ARSB: variants seen among roughly 807,000 people sequenced by gnomAD.
The protein encoded by ARSB is N-acetylgalactosamine-4-sulfatase.
ARSB carries 41 observed loss-of-function variants against 50.9 expected under a neutral mutation model. The ratio of observed to expected loss-of-function variants is 0.81; its 90% CI spans 0.63 to 1.04. The LOEUF is 1.04. Among genes scored for constraint, ARSB ranks in the 50% least tolerant of loss-of-function variants. ARSB has a pLI of 0.00. For synonymous variants in ARSB, 269 were observed against 284.8 expected (o/e 0.94, Z 0.56); for missense variants, 672 against 693.3 (o/e 0.97, Z 0.35).
At chr5:78,860,325 T>C (rs1746372150) in intron 5 of ARSB, among the ~76,000 whole-genome samples, 1 of 152,192 alleles carries the variant, frequency 6.6e-6, no homozygotes, top group South Asian at 2.1e-4. Flanking sequence ...GGTGCATATA[T>C]ATTTAGGATA....
chr5:78,874,930 G>A (rs1440559694), intron 5 of ARSB, among the ~76,000 whole-genome samples: 1 of 151,878 alleles, frequency 6.6e-6, no homozygotes, highest in African/African-American at 2.4e-5. Flanking sequence ...GCAACATAGT[G>A]AGACCCTGCC....
intron 4 of ARSB, among the ~76,000 whole-genome samples, chr5:78,951,935 C>CT (rs1418817574): frequency 6.6e-6 from 1 of 152,162 alleles, no homozygotes; most frequent in Non-Finnish European, 1.5e-5. Context: ...AAACCACTAA[C>CT]TCTACTTCCA....
At chr5:78,964,836 G>A (rs984578931) in intron 2 of ARSB, among the ~76,000 whole-genome samples, 7 of 150,084 alleles carry the variant, frequency 4.7e-5, no homozygotes, top group Non-Finnish European at 8.8e-5. Flanking sequence ...GAATATAGGC[G>A]CTATCATGTA....
chr5:78,871,946 C>T (rs574446195), intron 5 of ARSB, among the ~76,000 whole-genome samples: 1 of 151,302 alleles, frequency 6.6e-6, no homozygotes, highest in African/African-American at 2.4e-5. Flanking sequence ...CCAGAATCTA[C>T]AATGAACTCA....
chr5:78,782,001 A>C, intron 6 of ARSB, 27 bp from the exon 7 acceptor site: 2 of 1,613,968 alleles, frequency 1.2e-6, no homozygotes, highest in Non-Finnish European at 1.7e-6. Context: ...TGAAAGAATT[A>C]GATCACTGTT....
intron 6 of ARSB, among the ~76,000 whole-genome samples, chr5:78,801,418 C>G (rs1743389817): frequency 6.6e-6 from 1 of 152,168 alleles, no homozygotes; most frequent in Non-Finnish European, 1.5e-5. Flanking sequence ...GGAAAAAGGA[C>G]TGCTAGGTCT....
intron 6 of ARSB, among the ~76,000 whole-genome samples, chr5:78,800,942 AGT>A (rs1188338638): frequency 6.6e-6 from 1 of 152,166 alleles, no homozygotes; most frequent in Non-Finnish European, 1.5e-5. Flanking sequence ...TCCCAGGCAG[AGT>A]GTGGAAGAGT....
chr5:78,975,260 G>A (rs1752617006), intron 1 of ARSB, among the ~76,000 whole-genome samples: 2 of 152,246 alleles, frequency 1.3e-5, no homozygotes, highest in Admixed American at 1.3e-4. Flanking sequence ...GGCATGCTCA[G>A]GCAGAGCGCC....
chr5:78,852,182 T>A (rs1484788597), intron 5 of ARSB, among the ~76,000 whole-genome samples: 2 of 152,234 alleles, frequency 1.3e-5, no homozygotes, highest in African/African-American at 4.8e-5. Context: ...TTGGCATGAT[T>A]TTGCAGCGGC....
chr5:78,815,719 A>C lies in ARSB; in HGVS notation c.1213+23637T>G. ...GCCATATTACTGTAAGACAAGTATA[A>C]AGGGCTTGCATTTTATTTCCACAAG... On this transcript the variant is annotated intron_variant, in intron 6 of 7. Transcript: ENST00000264914. The C allele has an allele frequency of 1.3e-5, 15 of 1,113,740 alleles. 1 individual carries two copies. The highest frequency in any genetic ancestry group is 1.7e-5 in the Non-Finnish European group (15 of 907,956). 69.0% of individuals were successfully genotyped at this position (1,113,740 alleles called of 1,614,324 possible).
chr5:78,922,336 C>T (rs916293335), intron 4 of ARSB, among the ~76,000 whole-genome samples: 1 of 151,964 alleles, frequency 6.6e-6, no homozygotes, highest in Non-Finnish European at 1.5e-5. Flanking sequence ...AGGCCTCTGT[C>T]TAACAACTTG....
intron 4 of ARSB, among the ~76,000 whole-genome samples, chr5:78,943,612 G>C (rs337870): frequency 0.78 from 118,716 of 152,104 alleles, 46,657 homozygotes; most frequent in African/African-American, 0.87. Context: ...GGCCCCCACT[G>C]TCTTCTGGCT....
At chr5:78,954,284 C>A (rs188846005) in intron 4 of ARSB, among the ~76,000 whole-genome samples, 50 of 146,100 alleles carry the variant, frequency 3.4e-4, no homozygotes, top group Non-Finnish European at 7.3e-4. Context: ...TCTGAGTACT[C>A]AGCATGATGA....
At chr5:78,808,236 C>T (rs983054376) in intron 6 of ARSB, among the ~76,000 whole-genome samples, 2 of 152,010 alleles carry the variant, frequency 1.3e-5, no homozygotes, top group South Asian at 2.1e-4. Flanking sequence ...CCTCCCACCC[C>T]CTCCTCCCCA....
chr5:78,790,257 G>T (rs1297134837), intron 6 of ARSB, among the ~76,000 whole-genome samples: 1 of 152,152 alleles, frequency 6.6e-6, no homozygotes, highest in Non-Finnish European at 1.5e-5. Flanking sequence ...GAGCCAGACT[G>T]CTTGGGTTTG....
intron 6 of ARSB, among the ~76,000 whole-genome samples, chr5:78,798,654 A>C (rs1390688889): frequency 6.6e-6 from 1 of 152,222 alleles, no homozygotes; most frequent in African/African-American, 2.4e-5. Flanking sequence ...GTTTTGGATA[A>C]GGATGAAATA....
chr5:78,853,958 C>G (rs1432267739), intron 5 of ARSB, among the ~76,000 whole-genome samples: 1 of 152,268 alleles, frequency 6.6e-6, no homozygotes, highest in African/African-American at 2.4e-5. Context: ...CAGGTGCCGT[C>G]TGTCACCCCT....
At position 78,780,296 on chromosome 5, in the gene ARSB, G is replaced by T. The variant is rs1748886488; in HGVS notation, c.*101C>A. 1 of 1,531,820 alleles carries T rather than the reference G, an allele frequency of 6.5e-7. No homozygotes were observed. The highest frequency in any genetic ancestry group is 1.7e-5 in the Admixed American group (1 of 59,528). 94.9% of individuals were successfully genotyped at this position (1,531,820 alleles called of 1,614,324 possible). A position where few individuals can be genotyped will look rare whatever the true frequency, so the allele number is the denominator to read the frequency against. On this transcript the variant is annotated 3_prime_UTR_variant, in exon 8 of 8. Coordinates refer to ENST00000264914, the MANE Select transcript of ARSB (RefSeq NM_000046.5). Reference sequence around the variant, plus strand: ...GGTGTGGTTTAAGAGCAAGAGAAGGGCCAAGTGAACCCAGGTTGGGATAAC... The same window carrying T: ...GGTGTGGTTTAAGAGCAAGAGAAGGTCCAAGTGAACCCAGGTTGGGATAAC...
At chr5:78,848,081 A>T (rs900954887) in intron 5 of ARSB, among the ~76,000 whole-genome samples, 2 of 150,606 alleles carry the variant, frequency 1.3e-5, no homozygotes, top group African/African-American at 2.4e-5. Context: ...TTTTATTATT[A>T]TTATACTTTA....
Sources: gnomAD v4.1 joint callset for allele counts (sites outside exome capture counted in the v4.1 genomes callset) on GRCh38, gnomAD v4.1.1 for gene constraint, MANE v1.5 for transcripts, NCBI Gene and HGNC (gene_info 2026-07-23, HGNC 2026-07-21) for gene names.